Variants in PHF20L1 observed in about 807,000 individuals in gnomAD.
PHF20L1 encodes the protein PHD finger protein 20-like protein 1.
In PHF20L1, 44 loss-of-function variants were observed where a neutral mutation model predicts 125.5. The observed-to-expected ratio is 0.35, with a 90% CI of 0.28 to 0.45. PHF20L1 has a LOEUF of 0.45. PHF20L1 is among the 20% of genes least tolerant of loss of function. PHF20L1 has a pLI of 1.00. For missense variants in PHF20L1, 1,012 were observed against 1,217.2 expected, an observed-to-expected ratio of 0.83 and a Z score of 2.51; for synonymous variants, 380 against 403.1, an observed-to-expected ratio of 0.94 and a Z score of 0.69.
At chr8:132,788,562 A>G (rs964848219) in intron 2 of PHF20L1, among the ~76,000 whole-genome samples, 1 of 150,968 alleles carries the variant, frequency 6.6e-6, no homozygotes, top group Non-Finnish European at 1.5e-5. Context: ...ATTCTAGGTT[A>G]TATCAGTTAA....
intron 12 of PHF20L1, among the ~76,000 whole-genome samples, chr8:132,820,782 A>AT (rs1835496384): frequency 6.6e-6 from 1 of 151,952 alleles, no homozygotes; most frequent in African/African-American, 2.4e-5. Context: ...ATGTAGGATT[A>AT]TTTTTGCTTA....
chr8:132,833,191 A>G (rs67839940), intron 15 of PHF20L1, among the ~76,000 whole-genome samples: 27,312 of 152,000 alleles, frequency 0.18, 3,017 homozygotes, highest in South Asian at 0.3. Flanking sequence ...ACAACCTAGG[A>G]TCCTTGTGAG....
At chr8:132,785,891 A>G (rs898636311) in intron 2 of PHF20L1, among the ~76,000 whole-genome samples, 17 of 152,136 alleles carry the variant, frequency 1.1e-4, no homozygotes, top group African/African-American at 4.1e-4. Flanking sequence ...TAAGCTACTT[A>G]TATGAAATGG....
intron 2 of PHF20L1, among the ~76,000 whole-genome samples, chr8:132,790,858 T>C (rs536486797): frequency 6.6e-6 from 1 of 152,326 alleles, no homozygotes; most frequent in East Asian, 1.9e-4. Context: ...CTTCAGTAAA[T>C]TCCCAGATTT....
intron 12 of PHF20L1, 134 bp from the exon 13 acceptor site, chr8:132,823,870 G>T: frequency 1.9e-6 from 1 of 540,194 alleles, no homozygotes; most frequent in Non-Finnish European, 3.3e-6. Context: ...TACCAGTTCA[G>T]GCAGTAAAAC....
intron 12 of PHF20L1, among the ~76,000 whole-genome samples, chr8:132,823,600 T>A (rs898837941): frequency 2.0e-5 from 3 of 151,986 alleles, no homozygotes; most frequent in African/African-American, 7.2e-5. Flanking sequence ...ATGAAAAAAA[T>A]TACGTATTTA....
At chr8:132,801,624 AG>A (rs1833056297) in intron 6 of PHF20L1, among the ~76,000 whole-genome samples, 1 of 151,764 alleles carries the variant, frequency 6.6e-6, no homozygotes, top group African/African-American at 2.4e-5. Context: ...GAGTGACTAT[AG>A]TTATTAAAAA....
intron 12 of PHF20L1, among the ~76,000 whole-genome samples, chr8:132,823,115 A>G (rs1835779476): frequency 6.6e-6 from 1 of 151,942 alleles, no homozygotes; most frequent in Non-Finnish European, 1.5e-5. Flanking sequence ...TTTTATTGGA[A>G]TATTTATTGA....
chr8:132,788,699 A>G (rs1162409688), intron 2 of PHF20L1: 1 of 152,098 alleles, frequency 6.6e-6, no homozygotes, highest in African/African-American at 2.4e-5. Flanking sequence ...GTTTAATTGT[A>G]TTAATGTTCC....
intron 18 of PHF20L1, 81 bp downstream of exon 18, chr8:132,839,663 C>A: frequency 2.2e-6 from 2 of 926,818 alleles, no homozygotes; most frequent in Non-Finnish European, 3.4e-6. Flanking sequence ...TTTTGATGGT[C>A]CAGAGTAACA....
In PHF20L1 at chr8:132,814,601, C is replaced by T. The variant is rs764304018; in HGVS notation, c.931-36C>T. On this transcript the variant is annotated intron_variant, in intron 9 of 20. Coordinates refer to ENST00000395386, the MANE Select transcript of PHF20L1 (RefSeq NM_016018.5). ...AATACAAGAACAAAAATGAAGAAGC[C>T]AAAATAAAAATATCAATTTTTTATT... 3.5e-6 allele frequency: 5 copies of T among 1,440,514 alleles called. No homozygotes were observed. The Admixed American group carries it at 1.1e-4, about 33-fold the overall frequency. The allele number at this position is 1,440,514 out of a possible 1,614,324, so 89.2% of individuals were successfully genotyped here.
chr8:132,820,459 A>G (rs1036091759), intron 12 of PHF20L1, among the ~76,000 whole-genome samples: 1 of 151,910 alleles, frequency 6.6e-6, no homozygotes. Context: ...AGAGTCTAGA[A>G]GGGACACAAA....
chr8:132,817,138 A>T (rs919920472), intron 11 of PHF20L1, 62 bp downstream of exon 11: 8 of 1,051,900 alleles, frequency 7.6e-6, no homozygotes, highest in Non-Finnish European at 1.1e-5. Context: ...AAACTAAGAG[A>T]TAAAGATTAT....
At chr8:132,805,879 G>T (rs1833630949) in intron 8 of PHF20L1, among the ~76,000 whole-genome samples, 1 of 151,912 alleles carries the variant, frequency 6.6e-6, no homozygotes, top group African/African-American at 2.4e-5. Context: ...TTGGCCCCAG[G>T]AGAGGAAATA....
At chr8:132,787,713 T>C (rs1211000074) in intron 2 of PHF20L1, among the ~76,000 whole-genome samples, 1 of 152,168 alleles carries the variant, frequency 6.6e-6, no homozygotes, top group Non-Finnish European at 1.5e-5. Flanking sequence ...AATTGTAGTA[T>C]GTGATACCGT....
chr8:132,819,624 G>T (rs1236079180), intron 12 of PHF20L1, among the ~76,000 whole-genome samples: 1 of 151,446 alleles, frequency 6.6e-6, no homozygotes, highest in Non-Finnish European at 1.5e-5. Context: ...TTATGCTTCT[G>T]TCTGTTCCCC....
rs10101860 is a variant in PHF20L1, at chr8:132,776,477, A to T, written c.-38+832A>T. Among the ~76,000 whole-genome samples, 769 of 152,288 alleles carry T rather than the reference A, an allele frequency of 5.0e-3. 8 individuals carry two copies. Among genetic ancestry groups the T allele is most frequent in the African/African-American group, 0.017 (705 of 41,556 alleles). ...AATATTCATACATTTGTTCTTTTGC[A>T]CCAGCTACACCCTGGGCAAGCTCCC... On this transcript the variant is annotated intron_variant, in intron 1 of 20. Coordinates refer to ENST00000395386, the MANE Select transcript of PHF20L1 (RefSeq NM_016018.5).
chr8:132,803,233 G>A (rs555556485), intron 6 of PHF20L1, among the ~76,000 whole-genome samples: 23 of 151,772 alleles, frequency 1.5e-4, no homozygotes, highest in South Asian at 1.5e-3. Context: ...TTCTTCATCA[G>A]TATTATTAAG....
chr8:132,810,713 G>A (rs1411604387), intron 8 of PHF20L1: 3 of 209,508 alleles, frequency 1.4e-5, no homozygotes, highest in African/African-American at 7.0e-5. Flanking sequence ...TGTATTATAA[G>A]TATTAGCAAC....
Sources: gnomAD v4.1 joint callset for allele counts (sites outside exome capture counted in the v4.1 genomes callset) on GRCh38, gnomAD v4.1.1 for gene constraint, MANE v1.5 for transcripts, NCBI Gene and HGNC (gene_info 2026-07-23, HGNC 2026-07-21) for gene names.